KCNMA1: variants seen among roughly 807,000 people sequenced by gnomAD.
KCNMA1 encodes the protein Calcium-activated potassium channel subunit alpha-1.
In KCNMA1, 29 loss-of-function variants were observed where a neutral mutation model predicts 140.0. The ratio of observed to expected loss-of-function variants is 0.21; its 90% confidence interval spans 0.15 to 0.28. KCNMA1 has a LOEUF of 0.28. Among genes scored for constraint, KCNMA1 ranks in the 10% least tolerant of loss-of-function variants. The pLI, the probability that KCNMA1 is intolerant of heterozygous loss-of-function variation, is 1.00. For missense variants in KCNMA1, 880 were observed against 1,602.2 expected (o/e 0.55, Z 7.70); for synonymous variants, 612 against 611.9 (o/e 1.00, Z 0.00).
intron 1 of KCNMA1, among the ~76,000 whole-genome samples, chr10:77,462,078 A>G (rs1159950136): frequency 6.6e-6 from 1 of 151,940 alleles, no homozygotes; most frequent in Non-Finnish European, 1.5e-5. Context: ...ACACATACAC[A>G]TACACACGGA....
intron 2 of KCNMA1, among the ~76,000 whole-genome samples, chr10:77,323,392 T>C (rs1040942445): frequency 5.3e-5 from 8 of 152,174 alleles, no homozygotes; most frequent in African/African-American, 1.9e-4. Flanking sequence ...AAGAGTGAGT[T>C]TGAAGTGGGG....
chr10:77,320,604 C>T (rs1023077735), intron 2 of KCNMA1, among the ~76,000 whole-genome samples: 9 of 152,164 alleles, frequency 5.9e-5, no homozygotes, highest in Non-Finnish European at 1.0e-4. Context: ...GGCCAGGATG[C>T]ACACAGGTAT....
In KCNMA1 at chr10:77,637,046, C is replaced by G. The variant is rs530987022; in HGVS notation, c.378+219G>C. 7.9e-6 allele frequency: 11 copies of G among 1,397,870 alleles called. No individual in the cohort carries two copies. The African/African-American group carries it at 8.9e-5, about 11-fold the overall frequency. The allele number at this position is 1,397,870 out of a possible 1,614,324, so 86.6% of individuals were successfully genotyped here. On this transcript the variant is annotated intron_variant, in intron 1 of 27. Transcript: ENST00000286628. ...AGGACAGGATTGAGCGTCCGCGTCC[C>G]GGAGCGCACTGGCTGGGGGCAACTC...
intron 1 of KCNMA1, among the ~76,000 whole-genome samples, chr10:77,436,646 A>C (rs2097267541): frequency 6.6e-6 from 1 of 152,212 alleles, no homozygotes; most frequent in Non-Finnish European, 1.5e-5. Flanking sequence ...CCAAGGTCAC[A>C]CAGGTACTAC....
intron 3 of KCNMA1, among the ~76,000 whole-genome samples, chr10:77,224,699 CAG>C (rs1672978992): frequency 1.3e-5 from 2 of 152,144 alleles, no homozygotes. Context: ...TCCCCAAAGC[CAG>C]AGTTTCTGGG....
chr10:76,895,189 C>T (rs2041979601), intron 25 of KCNMA1, among the ~76,000 whole-genome samples: 1 of 152,176 alleles, frequency 6.6e-6, no homozygotes, highest in Non-Finnish European at 1.5e-5. Flanking sequence ...AACCCTCTCA[C>T]ACGCACCCCC....
chr10:77,489,069 C>A (rs1252645050), intron 1 of KCNMA1, among the ~76,000 whole-genome samples: 1 of 152,120 alleles, frequency 6.6e-6, no homozygotes, highest in Non-Finnish European at 1.5e-5. Context: ...GTTGCAGGAG[C>A]CTCAGACAGG....
chr10:77,120,277 A>G (rs983284413), intron 6 of KCNMA1, among the ~76,000 whole-genome samples: 1 of 152,134 alleles, frequency 6.6e-6, no homozygotes, highest in Admixed American at 6.5e-5. Context: ...CCAGCTCTGC[A>G]AGCCGGCAGG....
At chr10:76,889,956 C>T (rs540392525) in intron 26 of KCNMA1, among the ~76,000 whole-genome samples, 2 of 152,310 alleles carry the variant, frequency 1.3e-5, no homozygotes, top group African/African-American at 4.8e-5. Context: ...TCAGTCCCAG[C>T]TCAGCTGTAA....
chr10:77,068,992 C>T (rs962334807), intron 14 of KCNMA1, among the ~76,000 whole-genome samples: 21 of 151,900 alleles, frequency 1.4e-4, no homozygotes, highest in African/African-American at 3.4e-4. Flanking sequence ...AAACCTCATA[C>T]GCTGAAGAGA....
intron 2 of KCNMA1, among the ~76,000 whole-genome samples, chr10:77,260,588 A>T (rs1383003692): frequency 6.6e-6 from 1 of 152,190 alleles, no homozygotes; most frequent in African/African-American, 2.4e-5. Flanking sequence ...GTGCACCTCT[A>T]TTCCCAGCTA....
chr10:77,473,513 G>A (rs1210983186), intron 1 of KCNMA1, among the ~76,000 whole-genome samples: 2 of 152,220 alleles, frequency 1.3e-5, no homozygotes, highest in Admixed American at 1.3e-4. Context: ...AGAAGATTTA[G>A]AGAGAAATCT....
intron 3 of KCNMA1, among the ~76,000 whole-genome samples, chr10:77,226,993 T>C (rs1186324306): frequency 1.3e-5 from 2 of 152,190 alleles, no homozygotes; most frequent in East Asian, 3.8e-4. Flanking sequence ...TAGGGAGCAA[T>C]TAAGGAAAAG....
At chr10:77,539,828 C>G (rs764302496) in intron 1 of KCNMA1, among the ~76,000 whole-genome samples, 1 of 152,154 alleles carries the variant, frequency 6.6e-6, no homozygotes, top group East Asian at 1.9e-4. Context: ...CTTTGCATTG[C>G]TGGGGAAGCA....
intron 3 of KCNMA1, among the ~76,000 whole-genome samples, chr10:77,201,292 G>A (rs984226716): frequency 6.6e-5 from 10 of 152,270 alleles, no homozygotes; most frequent in Admixed American, 2.0e-4. Flanking sequence ...GTGACCATGC[G>A]GTCATATTTG....
At chr10:77,598,686 G>A (rs780773835) in intron 1 of KCNMA1, among the ~76,000 whole-genome samples, 5 of 152,320 alleles carry the variant, frequency 3.3e-5, no homozygotes, top group East Asian at 1.9e-4. Flanking sequence ...GGGAGACAAC[G>A]CAAAGAGAGA....
intron 1 of KCNMA1, among the ~76,000 whole-genome samples, chr10:77,528,607 T>G (rs1044614192): frequency 4.9e-5 from 6 of 122,662 alleles, no homozygotes; most frequent in African/African-American, 2.0e-4. Flanking sequence ...AGAGCCCATC[T>G]CAAAAAAAAA....
chr10:76,964,318 C>A lies in KCNMA1; in HGVS notation c.2360+5656G>T, dbSNP rs143711604. Among the ~76,000 whole-genome samples the A allele has an allele frequency of 1.4e-4, 21 of 152,188 alleles. No homozygotes were observed. In the East Asian group the frequency reaches 4.1e-3, roughly 29 times the overall value. ...TAAGATGTTATCTAGTGTTAGGCAG[C>A]CAGCATTCTCAGAAGAAGGAAATGG... On this transcript the variant is annotated intron_variant, in intron 20 of 27. Transcript: ENST00000286628.
At position 77,326,686 on chromosome 10, in the gene KCNMA1, AC is replaced by A. The variant is rs577525876; in HGVS notation, c.541-75431del. ...AATGCTTATTTCTGGTGGAAGCTTT[AC>A]TGACCATATTAATGCTATTGATAAT... On this transcript the variant is annotated intron_variant, in intron 2 of 27. Coordinates refer to ENST00000286628, the MANE Select transcript of KCNMA1 (RefSeq NM_001161352.2). Among the ~76,000 whole-genome samples, 527 of 152,298 alleles carry A rather than the reference AC, an allele frequency of 3.5e-3. 4 individuals carry two copies. The highest frequency in any genetic ancestry group is 0.012 in the African/African-American group (503 of 41,572).
Sources: gnomAD v4.1 joint callset for allele counts (sites outside exome capture counted in the v4.1 genomes callset) on GRCh38, gnomAD v4.1.1 for gene constraint, MANE v1.5 for transcripts, NCBI Gene and HGNC (gene_info 2026-07-23, HGNC 2026-07-21) for gene names.